Variants in DOCK10 observed in about 807,000 individuals in gnomAD.
DOCK10 encodes dedicator of cytokinesis protein 10.
A neutral mutation model predicts 280.1 loss-of-function variants in DOCK10; 145 were observed. That is an observed-to-expected ratio of 0.52 (90% CI 0.45 to 0.59). DOCK10 has a LOEUF of 0.59. Among genes scored for constraint, DOCK10 ranks in the 20% least tolerant of loss-of-function variants. DOCK10 has a pLI of 0.00. For synonymous variants in DOCK10, 915 were observed against 942.2 expected (o/e 0.97, Z 0.53); for missense variants, 2,368 against 2,651.7 (o/e 0.89, Z 2.35).
chr2:224,886,893 C>T (rs79024270), intron 4 of DOCK10, among the ~76,000 whole-genome samples: 16 of 149,400 alleles, frequency 1.1e-4, no homozygotes, highest in Non-Finnish European at 1.5e-4. Flanking sequence ...CCAACACCCC[C>T]CCAAGTAGTA....
chr2:224,960,290 C>CT (rs879808303), intron 1 of DOCK10, among the ~76,000 whole-genome samples: 1 of 152,178 alleles, frequency 6.6e-6, no homozygotes, highest in Non-Finnish European at 1.5e-5. Context: ...TACCTGCACT[C>CT]TTTATTTTCC....
chr2:224,854,502 C>A (rs1311075427), intron 16 of DOCK10, among the ~76,000 whole-genome samples: 1 of 152,152 alleles, frequency 6.6e-6, no homozygotes, highest in African/African-American at 2.4e-5. Flanking sequence ...CCTCTGGCAG[C>A]ACAATATGGC....
At chr2:224,891,566 T>C (rs1699658540) in intron 4 of DOCK10, among the ~76,000 whole-genome samples, 1 of 152,214 alleles carries the variant, frequency 6.6e-6, no homozygotes, top group Admixed American at 6.5e-5. Flanking sequence ...AAAATAAAAC[T>C]TTATTTAAAC....
chr2:224,965,934 A>G (rs1704714907), intron 1 of DOCK10, among the ~76,000 whole-genome samples: 1 of 152,226 alleles, frequency 6.6e-6, no homozygotes, highest in Non-Finnish European at 1.5e-5. Flanking sequence ...CTTATATACA[A>G]AAATGTACTT....
chr2:224,848,156 C>A (rs150829130), intron 19 of DOCK10, among the ~76,000 whole-genome samples: 1 of 152,184 alleles, frequency 6.6e-6, no homozygotes, highest in Non-Finnish European at 1.5e-5. Context: ...AGGTTCGTCA[C>A]CCTGCTGCAA....
chr2:224,767,652 C>T (rs1690147110), intron 55 of DOCK10, among the ~76,000 whole-genome samples: 1 of 152,158 alleles, frequency 6.6e-6, no homozygotes, highest in Non-Finnish European at 1.5e-5. Flanking sequence ...TTCTTGATTT[C>T]AACCCCCTTC....
intron 16 of DOCK10, 87 bp downstream of exon 16, chr2:224,854,876 C>CAACA: frequency 9.7e-7 from 1 of 1,028,152 alleles, no homozygotes; most frequent in East Asian, 2.8e-5. Context: ...ACCAACCAAC[C>CAACA]AACCAACCAA....
chr2:224,873,982 G>C lies in DOCK10; in HGVS notation c.1257+14C>G, dbSNP rs779329191. The C allele has an allele frequency of 1.2e-6, 2 of 1,608,266 alleles. No individual in the cohort carries two copies. The highest frequency in any genetic ancestry group is 8.5e-7 in the Non-Finnish European group (1 of 1,178,220). ...TGGCTTAATGGTATAGGATGTAACA[G>C]AGGAGAAACTTACATTCGTTATCGG... On this transcript the variant is annotated intron_variant, in intron 11 of 55. Transcript: ENST00000258390.
rs1468766550 is a variant in DOCK10, at chr2:224,786,151, G to A, written c.5655+871C>T. 1.3e-5 allele frequency among the ~76,000 whole-genome samples: 2 copies of A among 152,172 alleles called. No individual in the cohort carries two copies. Among genetic ancestry groups the A allele is most frequent in the South Asian group, 2.1e-4 (1 of 4,830 alleles). Reference sequence around the variant, plus strand: ...CAGGAGGCGGAGGTTGCAGTGAGCCGAGATCACGCCACTGCACTGCACTCC... The same window carrying A: ...CAGGAGGCGGAGGTTGCAGTGAGCCAAGATCACGCCACTGCACTGCACTCC... On this transcript the variant is annotated intron_variant, in intron 50 of 55. Transcript: ENST00000258390. The surrounding 1 kb of genome is among the most constrained non-coding windows in gnomAD (Gnocchi z 4.7).
intron 1 of DOCK10, among the ~76,000 whole-genome samples, chr2:225,041,632 A>C (rs1464914790): frequency 4.6e-5 from 7 of 152,154 alleles, no homozygotes. Context: ...CTAATGACCC[A>C]CGTCTCCTCC....
chr2:224,926,741 C>T (rs1170243508), intron 2 of DOCK10, among the ~76,000 whole-genome samples: 2 of 152,210 alleles, frequency 1.3e-5, no homozygotes, highest in Non-Finnish European at 2.9e-5. Context: ...TCTTTGTTCT[C>T]AAGAATTTTG....
chr2:225,033,227 G>A (rs1462772623), intron 1 of DOCK10, among the ~76,000 whole-genome samples: 4 of 151,542 alleles, frequency 2.6e-5, no homozygotes, highest in African/African-American at 4.9e-5. Flanking sequence ...CTGTCATCCA[G>A]GCTGGAGTGC....
chr2:224,898,026 TGA>T (rs1223067025), intron 3 of DOCK10, among the ~76,000 whole-genome samples: 4 of 152,132 alleles, frequency 2.6e-5, no homozygotes, highest in Non-Finnish European at 2.9e-5. Context: ...TATTGCACTG[TGA>T]GGAGTAAAGA....
chr2:224,938,723 C>A (rs745759965), intron 1 of DOCK10, among the ~76,000 whole-genome samples: 4 of 152,168 alleles, frequency 2.6e-5, no homozygotes, highest in Non-Finnish European at 5.9e-5. Context: ...CCAACTTCCA[C>A]GCCACTTGTG....
chr2:224,875,950 C>G (rs1248053378), intron 8 of DOCK10, 88 bp downstream of exon 8: 43 of 1,337,586 alleles, frequency 3.2e-5, no homozygotes, highest in Non-Finnish European at 4.3e-5. Context: ...CTAGACCAGA[C>G]AGCAACTACA....
intron 4 of DOCK10, among the ~76,000 whole-genome samples, chr2:224,892,097 G>A (rs901383700): frequency 1.3e-5 from 2 of 152,044 alleles, no homozygotes; most frequent in African/African-American, 2.4e-5. Flanking sequence ...GAGTGAAAAT[G>A]GTTGTTAAGA....
chr2:225,027,481 T>C (rs955477151), intron 1 of DOCK10, among the ~76,000 whole-genome samples: 2 of 152,120 alleles, frequency 1.3e-5, no homozygotes, highest in African/African-American at 2.4e-5. Context: ...GTGTTGGAGG[T>C]GGGGCCTCGT....
intron 15 of DOCK10, among the ~76,000 whole-genome samples, chr2:224,855,950 T>C (rs768856598): frequency 4.6e-5 from 7 of 152,222 alleles, no homozygotes; most frequent in Non-Finnish European, 8.8e-5. Flanking sequence ...TTTTACTACA[T>C]GGTAAGATTA....
chr2:224,837,976 C>T, intron 24 of DOCK10, 145 bp from the exon 25 acceptor site: 1 of 684,536 alleles, frequency 1.5e-6, no homozygotes, highest in Non-Finnish European at 2.6e-6. Context: ...TCCTTGCCCT[C>T]CTCAGCCCCA....
Sources: allele counts gnomAD v4.1 joint callset (sites outside exome capture counted in the v4.1 genomes callset), GRCh38; gene constraint gnomAD v4.1.1; non-coding constraint Gnocchi (gnomAD v3.1); transcripts MANE v1.5; gene names NCBI Gene and HGNC (gene_info 2026-07-23, HGNC 2026-07-21).